TRMT9B: variants seen among roughly 807,000 people sequenced by gnomAD.
TRMT9B encodes probable tRNA methyltransferase 9B.
Under a neutral mutation model 11.5 loss-of-function variants are expected in TRMT9B, and 16 were observed. The ratio of observed to expected loss-of-function variants is 1.39; its 90% CI spans 0.94 to 2.11. The LOEUF is 2.11. TRMT9B is among the 30% of genes most tolerant of loss of function. The pLI is 0.00. For missense variants in TRMT9B, 941 were observed against 553.8 expected, an observed-to-expected ratio of 1.70 and a Z score of -7.02; for synonymous variants, 274 against 192.4, an observed-to-expected ratio of 1.42 and a Z score of -3.51.
chr8:13,014,341 G>A (rs1425762809), intron 4 of TRMT9B, among the ~76,000 whole-genome samples: 1 of 152,152 alleles, frequency 6.6e-6, no homozygotes. Flanking sequence ...ATTTCTCACC[G>A]TTCTGGAGGC....
At chr8:12,968,153 G>A (rs1183544079) in intron 1 of TRMT9B, among the ~76,000 whole-genome samples, 1 of 152,210 alleles carries the variant, frequency 6.6e-6, no homozygotes, top group African/African-American at 2.4e-5. Flanking sequence ...TCTAAGTGCT[G>A]GGATTACAGA....
chr8:13,023,770 T>C lies in TRMT9B; in HGVS notation c.*1726T>C, dbSNP rs991205732. 1 of 166,620 alleles carries C rather than the reference T, an allele frequency of 6.0e-6. No individual in the cohort carries two copies. Among genetic ancestry groups the C allele is most frequent in the African/African-American group, 2.4e-5 (1 of 41,468 alleles). The allele number at this position is 166,620 out of a possible 1,614,324, so 10.3% of individuals were successfully genotyped here. ...CATTTGTTCTTGGGTTCTTTTTTCC[T>C]TTAATGATTGTGCTATAACTTAAAA... is the stretch of plus-strand genomic sequence containing the variant. On this transcript the variant is annotated 3_prime_UTR_variant, in exon 5 of 5. Transcript: ENST00000524591.
At chr8:12,996,286 C>T (rs1268121117) in intron 2 of TRMT9B, among the ~76,000 whole-genome samples, 1 of 152,148 alleles carries the variant, frequency 6.6e-6, no homozygotes, top group Admixed American at 6.5e-5. Flanking sequence ...AAATGAATTT[C>T]CTTCCTCTCA....
chr8:12,992,233 A>G (rs983576892), intron 2 of TRMT9B, among the ~76,000 whole-genome samples: 20 of 152,190 alleles, frequency 1.3e-4, no homozygotes, highest in Admixed American at 1.1e-3. Flanking sequence ...ATATATAAAA[A>G]CATCACATTT....
At chr8:12,951,508 C>T (rs544713810) in intron 1 of TRMT9B, 4 of 152,362 alleles carry the variant, frequency 2.6e-5, no homozygotes, top group African/African-American at 9.6e-5. Context: ...GTCACCCCGT[C>T]CCCGGCGGGG....
chr8:12,988,463 G>A (rs1224948575), intron 1 of TRMT9B, among the ~76,000 whole-genome samples: 1 of 152,172 alleles, frequency 6.6e-6, no homozygotes, highest in Non-Finnish European at 1.5e-5. Flanking sequence ...CCGAGACTGT[G>A]TAATTTATAA....
At position 13,010,419 on chromosome 8, in the gene TRMT9B, A is replaced by T. The variant is rs985763828; in HGVS notation, c.155-2265A>T. 3 of 984,636 alleles carry T rather than the reference A, an allele frequency of 3.0e-6. No homozygotes were observed. In the Admixed American group the frequency reaches 1.8e-4, roughly 61 times the overall value. 61.0% of individuals were successfully genotyped at this position (984,636 alleles called of 1,614,324 possible). ...GGTAATATGACTGTCCTCTAAAGGAAATGGTTTCTGTTGCTAGGTTTTTCC... is the reference window on the plus strand; with the variant it reads ...GGTAATATGACTGTCCTCTAAAGGATATGGTTTCTGTTGCTAGGTTTTTCC... On this transcript the variant is annotated intron_variant, in intron 3 of 4. Coordinates refer to ENST00000524591, the MANE Select transcript of TRMT9B (RefSeq NM_020844.3).
Position 13,025,159 on chromosome 8 carries a change from T to G in TRMT9B, c.*3115T>G, listed in dbSNP as rs1256437418. 2 of 167,028 alleles carry G rather than the reference T, an allele frequency of 1.2e-5. No individual in the cohort carries two copies. The highest frequency in any genetic ancestry group is 4.8e-5 in the African/African-American group (2 of 41,426). 10.3% of individuals were successfully genotyped at this position (167,028 alleles called of 1,614,324 possible). A position where few individuals can be genotyped will look rare whatever the true frequency, so the allele number is the denominator to read the frequency against. ...ATTCCTTCTTCTTTACTTACTGGCA[T>G]CAGCACAGAGTCCCACTATCTGAAA... On this transcript the variant is annotated 3_prime_UTR_variant, in exon 5 of 5. Transcript: ENST00000524591.
chr8:12,984,922 G>A (rs2460343), intron 1 of TRMT9B, among the ~76,000 whole-genome samples: 126,184 of 150,574 alleles, frequency 0.84, 52,963 homozygotes, highest in Middle Eastern at 0.89. Flanking sequence ...CCGAATTTTT[G>A]CATTATCCTC....
At chr8:12,950,138 G>A (rs1415855609) in intron 1 of TRMT9B, among the ~76,000 whole-genome samples, 1 of 152,102 alleles carries the variant, frequency 6.6e-6, no homozygotes, top group African/African-American at 2.4e-5. Context: ...ACAGGCATGA[G>A]CCACCTCACC....
At chr8:13,015,281 G>C (rs73548432) in intron 4 of TRMT9B, among the ~76,000 whole-genome samples, 4,294 of 151,188 alleles carry the variant, frequency 0.028, 211 homozygotes, top group African/African-American at 0.098. Context: ...GTTACATCTT[G>C]ATATTTTATC....
chr8:12,996,084 A>C (rs990799264), intron 2 of TRMT9B, among the ~76,000 whole-genome samples: 6 of 152,310 alleles, frequency 3.9e-5, no homozygotes, highest in South Asian at 2.1e-4. Context: ...CAAGCTGAGG[A>C]TCATGTAGCC....
intron 2 of TRMT9B, among the ~76,000 whole-genome samples, chr8:12,992,615 G>A (rs539323031): frequency 1.3e-5 from 2 of 152,152 alleles, no homozygotes; most frequent in South Asian, 2.1e-4. Context: ...ATTTTGAGAG[G>A]CCGGGTTAGG....
chr8:13,021,865 G>A lies in TRMT9B; in HGVS notation c.1186G>A (p.Glu396Lys), dbSNP rs1246395584. 58 of 1,613,712 alleles carry A rather than the reference G, an allele frequency of 3.6e-5. No individual in the cohort carries two copies. Among genetic ancestry groups the A allele is most frequent in the Non-Finnish European group, 4.5e-5 (53 of 1,179,886 alleles). The change falls in exon 5 of 5, where the codon GAA (glutamate) becomes AAA (lysine). Residue 396 changes from glutamate to lysine, a missense_variant. By Grantham distance (56) the Glu-to-Lys change is moderately conservative (BLOSUM62 1). Transcript: ENST00000524591. ...DFNPDDTMSV[E>K]DPQTDVLDST... ...CAACCCAGATGATACAATGTCTGTC[G>A]AAGATCCACAGACTGATGTTTTGGA...
intron 2 of TRMT9B, among the ~76,000 whole-genome samples, chr8:12,993,159 G>A (rs1807681044): frequency 6.6e-6 from 1 of 152,230 alleles, no homozygotes; most frequent in African/African-American, 2.4e-5. Flanking sequence ...CTGCAAAGTG[G>A]ACTGGACCAG....
intron 1 of TRMT9B, among the ~76,000 whole-genome samples, chr8:12,975,469 G>C (rs1404552910): frequency 1.3e-5 from 2 of 152,118 alleles, no homozygotes; most frequent in Non-Finnish European, 2.9e-5. Flanking sequence ...AGGTACAGTA[G>C]CTTATGCCTG....
chr8:12,953,171 A>G (rs746563178), intron 1 of TRMT9B, among the ~76,000 whole-genome samples: 1 of 152,204 alleles, frequency 6.6e-6, no homozygotes, highest in Non-Finnish European at 1.5e-5. Context: ...ATTTAAATGT[A>G]CATTGAAAAT....
intron 1 of TRMT9B, among the ~76,000 whole-genome samples, chr8:12,974,851 G>A (rs1804192013): frequency 6.6e-6 from 1 of 152,104 alleles, no homozygotes; most frequent in Non-Finnish European, 1.5e-5. Flanking sequence ...CACGCCTGAG[G>A]TTGACAGGTG....
intron 1 of TRMT9B, among the ~76,000 whole-genome samples, chr8:12,970,736 G>A (rs189416753): frequency 7.2e-4 from 110 of 152,268 alleles, no homozygotes; most frequent in African/African-American, 2.4e-3. Context: ...GTGGAATTAG[G>A]AATTGGCACC....
Sources: allele counts gnomAD v4.1 joint callset (sites outside exome capture counted in the v4.1 genomes callset), GRCh38; gene constraint gnomAD v4.1.1; transcripts MANE v1.5; gene names NCBI Gene and HGNC (gene_info 2026-07-23, HGNC 2026-07-21).